Variants in KCNT2 observed in about 807,000 individuals in gnomAD.
The protein encoded by KCNT2 is potassium sodium-activated channel subfamily T member 2.
A neutral mutation model predicts 153.8 loss-of-function variants in KCNT2; 67 were observed. The observed-to-expected ratio is 0.44, with a 90% CI of 0.36 to 0.53. KCNT2 has a LOEUF of 0.53. Among genes scored for constraint, KCNT2 ranks in the 20% least tolerant of loss-of-function variants. KCNT2 has a pLI of 0.00. For synonymous variants in KCNT2, 500 were observed against 458.8 expected (o/e 1.09, Z -1.15); for missense variants, 975 against 1,354.8 (o/e 0.72, Z 4.40).
chr1:196,339,783 T>G (rs1321187580), intron 16 of KCNT2, among the ~76,000 whole-genome samples: 2 of 152,068 alleles, frequency 1.3e-5, no homozygotes, highest in African/African-American at 2.4e-5. Context: ...AATTCTTATT[T>G]GCATGGAGGT....
At chr1:196,353,529 C>T (rs1666927833) in intron 14 of KCNT2, among the ~76,000 whole-genome samples, 1 of 151,868 alleles carries the variant, frequency 6.6e-6, no homozygotes, top group Non-Finnish European at 1.5e-5. Flanking sequence ...GCTGTTTGTT[C>T]CCTTCTGTTT....
chr1:196,353,927 G>T (rs1050942313), intron 14 of KCNT2, among the ~76,000 whole-genome samples: 3 of 151,856 alleles, frequency 2.0e-5, no homozygotes, highest in Non-Finnish European at 2.9e-5. Flanking sequence ...ATATTTTGAA[G>T]TCTTAATATG....
chr1:196,263,596 C>T (rs187018673), intron 25 of KCNT2, among the ~76,000 whole-genome samples: 16 of 152,106 alleles, frequency 1.1e-4, no homozygotes, highest in Non-Finnish European at 1.5e-5. Flanking sequence ...ATAAAACATA[C>T]TCGGAGTAGG....
Position 196,467,805 on chromosome 1 carries a change from C to A in KCNT2, c.460-19G>T. On this transcript the variant is annotated intron_variant, in intron 6 of 27. Transcript: ENST00000294725. ...AGAATATCTGGAAAACAAAACAAAACAAAACTAGACTTTTATCTCAAAGCA... is the reference window on the plus strand; with the variant it reads ...AGAATATCTGGAAAACAAAACAAAAAAAAACTAGACTTTTATCTCAAAGCA... The A allele has an allele frequency of 6.7e-7, 1 of 1,497,608 alleles. No individual in the cohort carries two copies. The highest frequency in any genetic ancestry group is 1.2e-5 in the South Asian group (1 of 85,524). The allele number at this position is 1,497,608 out of a possible 1,614,324, so 92.8% of individuals were successfully genotyped here.
At chr1:196,564,945 CATAGGCAACAAAACCAAAAA>C (rs1274668432) in intron 1 of KCNT2, among the ~76,000 whole-genome samples, 2 of 151,712 alleles carry the variant, frequency 1.3e-5, no homozygotes, top group Non-Finnish European at 3.0e-5. Flanking sequence ...ACCCCTTATG[CATAGGCAACAAAACCAAAAA>C]ATAATCAAAT....
chr1:196,595,882 T>C (rs2149015536), intron 1 of KCNT2, among the ~76,000 whole-genome samples: 1 of 151,918 alleles, frequency 6.6e-6, no homozygotes, highest in South Asian at 2.1e-4. Context: ...ATTATATCAC[T>C]CGTAGGCCTT....
chr1:196,489,960 T>A, intron 2 of KCNT2, 23 bp from the exon 3 acceptor site: 1 of 1,174,744 alleles, frequency 8.5e-7, no homozygotes. Flanking sequence ...GATAAAAGTT[T>A]GATTTTCATC....
chr1:196,238,608 C>T (rs950090763), intron 26 of KCNT2, among the ~76,000 whole-genome samples: 2 of 151,926 alleles, frequency 1.3e-5, no homozygotes, highest in Middle Eastern at 3.4e-3. Context: ...TCACGTGTGC[C>T]TTCCTATAGG....
At chr1:196,244,989 G>T (rs1655307789) in intron 26 of KCNT2, among the ~76,000 whole-genome samples, 1 of 152,074 alleles carries the variant, frequency 6.6e-6, no homozygotes, top group African/African-American at 2.4e-5. Context: ...CCAGCTCCAG[G>T]CAGGTCAGCA....
chr1:196,362,715 C>T (rs1667734478), intron 14 of KCNT2, among the ~76,000 whole-genome samples: 1 of 152,082 alleles, frequency 6.6e-6, no homozygotes, highest in African/African-American at 2.4e-5. Context: ...TTTAATTCCT[C>T]AGTCTTTCTT....
chr1:196,229,677 T>G (rs1653781409), intron 27 of KCNT2, among the ~76,000 whole-genome samples: 1 of 152,066 alleles, frequency 6.6e-6, no homozygotes, highest in African/African-American at 2.4e-5. Context: ...AAAGGAAAAG[T>G]TCCTAAGGAA....
chr1:196,537,508 G>A (rs1655747207), intron 1 of KCNT2, among the ~76,000 whole-genome samples: 1 of 152,158 alleles, frequency 6.6e-6, no homozygotes, highest in African/African-American at 2.4e-5. Context: ...TATGTTGGTG[G>A]TGGACCAGTG....
At chr1:196,512,813 C>CA (rs1558027366) in intron 1 of KCNT2, among the ~76,000 whole-genome samples, 1 of 152,018 alleles carries the variant, frequency 6.6e-6, no homozygotes, top group Non-Finnish European at 1.5e-5. Context: ...TATCAATCTA[C>CA]AAAAATAGCA....
chr1:196,506,691 C>T (rs1681174785), intron 1 of KCNT2, among the ~76,000 whole-genome samples: 1 of 152,142 alleles, frequency 6.6e-6, no homozygotes, highest in African/African-American at 2.4e-5. Context: ...TAATAAATAA[C>T]TCAATTACAA....
chr1:196,487,718 C>G lies in KCNT2; in HGVS notation c.275+2120G>C, dbSNP rs554743805. 4.9e-4 allele frequency among the ~76,000 whole-genome samples: 74 copies of G among 151,976 alleles called. 2 individuals carry two copies. In the South Asian group the frequency reaches 0.015, roughly 32 times the overall value. ...TTTTCTTCCTTTAATAGTTGTTACC[C>G]TGAGGAAGAAATCGTATTTAAAATT... is the stretch of plus-strand genomic sequence containing the variant. On this transcript the variant is annotated intron_variant, in intron 3 of 27. Coordinates refer to ENST00000294725, the MANE Select transcript of KCNT2 (RefSeq NM_198503.5).
chr1:196,514,448 T>C (rs893420547), intron 1 of KCNT2, among the ~76,000 whole-genome samples: 4 of 152,184 alleles, frequency 2.6e-5, no homozygotes, highest in African/African-American at 7.2e-5. Context: ...AATGAATCAG[T>C]AGTAGTATCA....
Position 196,422,586 on chromosome 1 carries a change from A to G in KCNT2, c.1185+464T>C, listed in dbSNP as rs138523622. 8.6e-3 allele frequency among the ~76,000 whole-genome samples: 1,303 copies of G among 152,108 alleles called. 17 individuals are homozygous for G. The highest frequency in any genetic ancestry group is 0.03 in the African/African-American group (1,254 of 41,546). On this transcript the variant is annotated intron_variant, in intron 12 of 27. Transcript: ENST00000294725. ...AGGTTACCAAACTGAAATGTGTTTC[A>G]GAATTACCTGTGGAGCTTTTAAAAA...
At chr1:196,395,682 T>C (rs1670877308) in intron 13 of KCNT2, among the ~76,000 whole-genome samples, 1 of 151,676 alleles carries the variant, frequency 6.6e-6, no homozygotes, top group Non-Finnish European at 1.5e-5. Flanking sequence ...TACATCACCA[T>C]GAAATGTCTC....
chr1:196,247,851 C>A lies in KCNT2; in HGVS notation c.3211+10343G>T, dbSNP rs117711653. ...ATCCAATGGCTGCACAGTACACATT[C>A]TTCTCCTTAGTATATGGATCATTCT... On this transcript the variant is annotated intron_variant, in intron 26 of 27. Coordinates refer to ENST00000294725, the MANE Select transcript of KCNT2 (RefSeq NM_198503.5). Among the ~76,000 whole-genome samples, 59 of 152,234 alleles carry A rather than the reference C, an allele frequency of 3.9e-4. No homozygotes were observed. In the East Asian group the frequency reaches 0.011, roughly 28 times the overall value.
Sources: gnomAD v4.1 joint callset for allele counts (sites outside exome capture counted in the v4.1 genomes callset) on GRCh38, gnomAD v4.1.1 for gene constraint, MANE v1.5 for transcripts, NCBI Gene and HGNC (gene_info 2026-07-23, HGNC 2026-07-21) for gene names.